The following WWOX variants were observed in gnomAD, a reference collection of about 807,000 sequenced individuals.
WWOX encodes WW domain-containing oxidoreductase.
A neutral mutation model predicts 46.2 loss-of-function variants in WWOX; 69 were observed. That is an observed-to-expected ratio of 1.49 (90% CI 1.23 to 1.82). The LOEUF (loss-of-function observed/expected upper bound fraction) is 1.82, where lower values mean the gene tolerates loss of function less well. WWOX is among the 40% of genes most tolerant of loss of function. The pLI, the probability that WWOX is intolerant of heterozygous loss-of-function variation, is 0.00. For synonymous variants in WWOX, 359 were observed against 202.6 expected, an observed-to-expected ratio of 1.77 and a Z score of -6.56; for missense variants, 919 against 542.6, an observed-to-expected ratio of 1.69 and a Z score of -6.89.
At chr16:79,092,166 G>C (rs2048975226) in intron 8 of WWOX, among the ~76,000 whole-genome samples, 1 of 152,170 alleles carries the variant, frequency 6.6e-6, no homozygotes, top group South Asian at 2.1e-4. Context: ...CTGTGTGCAA[G>C]AGAAGGCTTC....
chr16:78,891,705 T>C (rs1391918014), intron 8 of WWOX: 1 of 152,182 alleles, frequency 6.6e-6, no homozygotes, highest in Non-Finnish European at 1.5e-5. Context: ...CATCCTTCTT[T>C]TCTAAATTGG....
chr16:78,788,807 G>C (rs992521250), intron 8 of WWOX, among the ~76,000 whole-genome samples: 1 of 152,134 alleles, frequency 6.6e-6, no homozygotes, highest in African/African-American at 2.4e-5. Flanking sequence ...TTGGTGTCTG[G>C]GGGTATGGGG....
intron 8 of WWOX, among the ~76,000 whole-genome samples, chr16:78,660,571 T>C (rs990557738): frequency 2.6e-5 from 4 of 152,142 alleles, no homozygotes; most frequent in African/African-American, 9.7e-5. Flanking sequence ...GTTTACTGTT[T>C]ATTTGTGTTG....
intron 8 of WWOX, among the ~76,000 whole-genome samples, chr16:78,820,175 A>T (rs2051454225): frequency 6.6e-6 from 1 of 152,092 alleles, no homozygotes; most frequent in African/African-American, 2.4e-5. Flanking sequence ...GAGACATAGG[A>T]GAAGCCCCCA....
chr16:78,547,950 G>C (rs997006135), intron 8 of WWOX, among the ~76,000 whole-genome samples: 1 of 151,922 alleles, frequency 6.6e-6, no homozygotes, highest in African/African-American at 2.4e-5. Context: ...TCAGGAGTTC[G>C]AGACCAGCCT....
At chr16:78,679,236 G>T (rs1455363605) in intron 8 of WWOX, among the ~76,000 whole-genome samples, 2 of 152,150 alleles carry the variant, frequency 1.3e-5, no homozygotes, top group Admixed American at 1.3e-4. Context: ...TACCATGATG[G>T]CGTTGAGGTA....
chr16:78,518,253 A>C (rs1167284569), intron 8 of WWOX, among the ~76,000 whole-genome samples: 1 of 151,942 alleles, frequency 6.6e-6, no homozygotes, highest in Non-Finnish European at 1.5e-5. Flanking sequence ...GTTTTTTGAG[A>C]TGGAGTCTTG....
At chr16:78,870,999 G>C (rs1354791652) in intron 8 of WWOX, among the ~76,000 whole-genome samples, 1 of 152,152 alleles carries the variant, frequency 6.6e-6, no homozygotes, top group East Asian at 1.9e-4. Flanking sequence ...GGGTCTCATA[G>C]ACTCTGCTTA....
intron 4 of WWOX, among the ~76,000 whole-genome samples, chr16:78,135,563 C>G (rs139376671): frequency 6.6e-6 from 1 of 152,090 alleles, no homozygotes; most frequent in Non-Finnish European, 1.5e-5. Flanking sequence ...TTCTTCCATT[C>G]TGTGAACTTA....
chr16:78,417,638 T>G lies in WWOX; in HGVS notation c.606-7232T>G, dbSNP rs543545488. Among the ~76,000 whole-genome samples, 5 of 152,334 alleles carry G rather than the reference T, an allele frequency of 3.3e-5. No individual in the cohort carries two copies. The East Asian group carries it at 7.7e-4, about 24-fold the overall frequency. ...TCTTTCCCTCTTCCCCGCAAGGTTT[T>G]TAGCAGTGGTCCTGTCTTACTACAA... On this transcript the variant is annotated intron_variant, in intron 6 of 8. Transcript: ENST00000566780.
intron 8 of WWOX, among the ~76,000 whole-genome samples, chr16:78,609,335 C>T (rs1035225453): frequency 6.6e-6 from 1 of 152,064 alleles, no homozygotes; most frequent in East Asian, 1.9e-4. Flanking sequence ...GGAGGCTTAG[C>T]ACTGATGTAT....
chr16:78,808,185 C>A (rs979648084), intron 8 of WWOX, among the ~76,000 whole-genome samples: 1 of 152,238 alleles, frequency 6.6e-6, no homozygotes. Flanking sequence ...AGATCATGTC[C>A]TCTTTTAACC....
intron 8 of WWOX, among the ~76,000 whole-genome samples, chr16:78,536,743 A>AAGGAGG (rs202107828): frequency 1.3e-5 from 2 of 151,952 alleles, no homozygotes; most frequent in Non-Finnish European, 2.9e-5. Flanking sequence ...AATGATGACG[A>AAGGAGG]AGGAGGAGGA....
intron 8 of WWOX, among the ~76,000 whole-genome samples, chr16:79,038,605 A>T (rs1266954970): frequency 6.6e-6 from 1 of 152,142 alleles, no homozygotes; most frequent in Non-Finnish European, 1.5e-5. Context: ...GCTGGAGTGC[A>T]ATGGTGCAAT....
intron 8 of WWOX, among the ~76,000 whole-genome samples, chr16:79,159,846 G>A (rs1002737847): frequency 1.4e-4 from 21 of 151,938 alleles, no homozygotes; most frequent in African/African-American, 3.1e-4. Context: ...CTCCATTCTC[G>A]CCTTCTAGCC....
rs1231710651 is a variant in WWOX at position 79,212,049 on chromosome 16, T to A, written c.*253T>A. ...TTTCTGGTGGTGGCCTGTTTGAAAG[T>A]AAAAACCTGCTTGGTGTGTAGGTTC... On this transcript the variant is annotated 3_prime_UTR_variant, in exon 9 of 9. Transcript: ENST00000566780. 2.6e-6 allele frequency: 4 copies of A among 1,536,266 alleles called. No individual in the cohort carries two copies. The South Asian group carries it at 4.8e-5, about 18-fold the overall frequency.
intron 6 of WWOX, among the ~76,000 whole-genome samples, chr16:78,396,529 T>C (rs1397584449): frequency 6.6e-6 from 1 of 152,214 alleles, no homozygotes; most frequent in Non-Finnish European, 1.5e-5. Flanking sequence ...AACCACGCTT[T>C]GGAGGGTAGA....
intron 8 of WWOX, among the ~76,000 whole-genome samples, chr16:79,188,016 CA>C (rs1363366561): frequency 2.6e-5 from 4 of 152,222 alleles, no homozygotes; most frequent in Admixed American, 2.0e-4. Flanking sequence ...CTGTGCTCTT[CA>C]AACACAAATT....
intron 8 of WWOX, among the ~76,000 whole-genome samples, chr16:78,625,078 A>C (rs868616504): frequency 6.6e-6 from 1 of 152,320 alleles, no homozygotes; most frequent in East Asian, 1.9e-4. Context: ...TGTAGCCGCC[A>C]CACATGGCAG....
Sources: allele counts gnomAD v4.1 joint callset (sites outside exome capture counted in the v4.1 genomes callset), GRCh38; gene constraint gnomAD v4.1.1; transcripts MANE v1.5; gene names NCBI Gene and HGNC (gene_info 2026-07-23, HGNC 2026-07-21).